The following PCDHGA6 variants were observed in gnomAD, a reference collection of about 807,000 sequenced individuals.
The protein encoded by PCDHGA6 is protocadherin gamma subfamily A, 6.
PCDHGA6 carries 41 observed loss-of-function variants against 60.6 expected under a neutral mutation model. The ratio of observed to expected loss-of-function variants is 0.68; its 90% confidence interval spans 0.53 to 0.88. PCDHGA6 has a LOEUF of 0.88. Among genes scored for constraint, PCDHGA6 ranks in the 40% least tolerant of loss-of-function variants. The pLI is 0.00. For synonymous variants in PCDHGA6, 594 were observed against 524.4 expected, an observed-to-expected ratio of 1.13 and a Z score of -1.81; for missense variants, 1,312 against 1,203.0, an observed-to-expected ratio of 1.09 and a Z score of -1.34.
chr5:141,404,787 G>A (rs1561696267), intron 1 of PCDHGA6: 23 of 1,613,988 alleles, frequency 1.4e-5, no homozygotes, highest in Non-Finnish European at 1.9e-5. Context: ...TTCAAGGCCA[G>A]TGAGCCAGGG....
rs2099085120 is a variant in PCDHGA6, at chr5:141,464,455, T to C, written c.2425-30352T>C. Among the ~76,000 whole-genome samples, 2 of 151,794 alleles carry C rather than the reference T, an allele frequency of 1.3e-5. 1 individual carries two copies. Among genetic ancestry groups the C allele is most frequent in the Non-Finnish European group, 2.9e-5 (2 of 67,958 alleles). On this transcript the variant is annotated intron_variant, in intron 1 of 3. Coordinates refer to ENST00000517434, the MANE Select transcript of PCDHGA6 (RefSeq NM_018919.3). ...TATATGTTTGTTGTTGTTGTTGTTA[T>C]TTTTGAAGTATGTACGTATAATAAA...
chr5:141,409,669 C>T, intron 1 of PCDHGA6: 1 of 1,613,528 alleles, frequency 6.2e-7, no homozygotes, highest in Non-Finnish European at 8.5e-7. Context: ...ACATCTCCTA[C>T]TCTATAGTGG....
chr5:141,478,716 G>T, intron 1 of PCDHGA6: 1 of 1,545,206 alleles, frequency 6.5e-7, no homozygotes. Flanking sequence ...TGAGATGGTG[G>T]CCTGCCAGAG....
intron 1 of PCDHGA6, chr5:141,393,077 C>T (rs2150506328): frequency 6.2e-7 from 1 of 1,613,710 alleles, no homozygotes; most frequent in Non-Finnish European, 8.5e-7. Flanking sequence ...TCACCGCGGG[C>T]AGGATAGATC....
rs55729045 is a variant in PCDHGA6 at position 141,395,542 on chromosome 5, TTGTGTGTGTGTGTGTG to T, written c.2424+19069_2424+19084del. 64 of 172,628 alleles carry T rather than the reference TTGTGTGTGTGTGTGTG, an allele frequency of 3.7e-4. 1 individual carries two copies. Among genetic ancestry groups the T allele is most frequent in the South Asian group, 2.0e-3 (23 of 11,528 alleles). The allele number at this position is 172,628 out of a possible 1,614,324, so 10.7% of individuals were successfully genotyped here. A position where few individuals can be genotyped will look rare whatever the true frequency, so the allele number is the denominator to read the frequency against. ...TCCATACTGGTAATTTTGCTATTGT[TTGTGTGTGTGTGTGTG>T]TGTGTGTGTGTGTGTGTGTGTGTGT... On this transcript the variant is annotated intron_variant, in intron 1 of 3. Coordinates refer to ENST00000517434, the MANE Select transcript of PCDHGA6 (RefSeq NM_018919.3).
intron 1 of PCDHGA6, chr5:141,378,226 T>C (rs1774724615): frequency 6.6e-6 from 1 of 152,206 alleles, no homozygotes; most frequent in Admixed American, 6.5e-5. Context: ...TGCCTGATAG[T>C]ATTTAAGAGT....
At chr5:141,390,596 C>T (rs2092187528) in intron 1 of PCDHGA6, 1 of 329,834 alleles carries the variant, frequency 3.0e-6, no homozygotes. Context: ...GAGATTTTTC[C>T]TATACATTTT....
chr5:141,450,663 T>C (rs957466690), intron 1 of PCDHGA6, among the ~76,000 whole-genome samples: 1 of 151,652 alleles, frequency 6.6e-6, no homozygotes, highest in Non-Finnish European at 1.5e-5. Flanking sequence ...ATTTTTGTAC[T>C]TTTAGTAGAA....
Position 141,493,957 on chromosome 5 carries a change from G to A in PCDHGA6, c.2425-850G>A, listed in dbSNP as rs1360777586. 6.6e-6 allele frequency among the ~76,000 whole-genome samples: 1 copy of A among 152,228 alleles called. No individual in the cohort carries two copies. The highest frequency in any genetic ancestry group is 2.4e-5 in the African/African-American group (1 of 41,458). On this transcript the variant is annotated intron_variant, in intron 1 of 3. Coordinates refer to ENST00000517434, the MANE Select transcript of PCDHGA6 (RefSeq NM_018919.3). This position sits in a 1 kb window ranked among gnomAD's most constrained non-coding sequence, Gnocchi z 4.3. ...AGACCAGAAGGGACTCAGGAATGAA[G>A]TGGCTGGCCAGAGCCCCACACCTTC... is the stretch of plus-strand genomic sequence containing the variant.
At chr5:141,497,284 A>G (rs1486878285) in intron 2 of PCDHGA6, among the ~76,000 whole-genome samples, 1 of 152,104 alleles carries the variant, frequency 6.6e-6, no homozygotes, top group South Asian at 2.1e-4. Context: ...TGTTCCCTCT[A>G]CCTACCACCA....
At chr5:141,413,524 A>G (rs772774054) in intron 1 of PCDHGA6, 7 of 1,613,974 alleles carry the variant, frequency 4.3e-6, no homozygotes, top group Non-Finnish European at 5.9e-6. Flanking sequence ...TGTGGAAGAC[A>G]GGGTGAAACT....
At chr5:141,386,407 G>T (rs2090565915) in intron 1 of PCDHGA6, among the ~76,000 whole-genome samples, 1 of 152,034 alleles carries the variant, frequency 6.6e-6, no homozygotes, top group Non-Finnish European at 1.5e-5. Flanking sequence ...GCCAGGTATG[G>T]TGTTGCAAGC....
rs766784928 is a variant in PCDHGA6, at chr5:141,431,447, G to T, written c.2424+54940G>T. ...GCGCACAGGCACCGCGCGCATCCGC[G>T]TGATGGTTCTGGATGCGAACGACAA... On this transcript the variant is annotated intron_variant, in intron 1 of 3. Coordinates refer to ENST00000517434, the MANE Select transcript of PCDHGA6 (RefSeq NM_018919.3). The surrounding 1 kb of genome is among the most constrained non-coding windows in gnomAD (Gnocchi z 4.8). 2 of 1,613,792 alleles carry T rather than the reference G, an allele frequency of 1.2e-6. No individual in the cohort carries two copies. The highest frequency in any genetic ancestry group is 1.7e-6 in the Non-Finnish European group (2 of 1,180,014).
chr5:141,473,263 T>C (rs2099318134), intron 1 of PCDHGA6, among the ~76,000 whole-genome samples: 1 of 152,210 alleles, frequency 6.6e-6, no homozygotes, highest in African/African-American at 2.4e-5. Context: ...GTCCTTAGTG[T>C]ATGCTATGAT....
intron 1 of PCDHGA6, among the ~76,000 whole-genome samples, chr5:141,442,736 A>C (rs2098340663): frequency 6.6e-6 from 1 of 152,226 alleles, no homozygotes; most frequent in African/African-American, 2.4e-5. Flanking sequence ...CCTGTAGGTA[A>C]GGAGCATGTT....
At chr5:141,499,007 AG>A (rs2099788320) in intron 2 of PCDHGA6, among the ~76,000 whole-genome samples, 1 of 151,128 alleles carries the variant, frequency 6.6e-6, no homozygotes, top group Non-Finnish European at 1.5e-5. Flanking sequence ...GAAGGAAGGA[AG>A]GAAGGAAGGA....
rs756706355 is a variant in PCDHGA6 at position 141,486,950 on chromosome 5, G to A, written c.2425-7857G>A. On this transcript the variant is annotated intron_variant, in intron 1 of 3. Transcript: ENST00000517434. This position sits in a 1 kb window ranked among gnomAD's most constrained non-coding sequence, Gnocchi z 5.0. The stretch of plus-strand genomic sequence containing the variant: ...TGGTGCTGGCCACCTAATCACAAAG[G>A]TGACTGCTGTGGACTTGGATTCAGG... 2 of 1,614,202 alleles carry A rather than the reference G, an allele frequency of 1.2e-6. No homozygotes were observed. The highest frequency in any genetic ancestry group is 1.7e-6 in the Non-Finnish European group (2 of 1,180,044).
chr5:141,507,075 C>T (rs1006779614), intron 3 of PCDHGA6: 25 of 152,176 alleles, frequency 1.6e-4, no homozygotes, highest in Admixed American at 1.1e-3. Context: ...CCTGGCTCAA[C>T]TCCTAAGTTT....
At position 141,489,090 on chromosome 5, in the gene PCDHGA6, C is replaced by A; in HGVS notation, c.2425-5717C>A. On this transcript the variant is annotated intron_variant, in intron 1 of 3. Transcript: ENST00000517434. The surrounding 1 kb of genome is among the most constrained non-coding windows in gnomAD (Gnocchi z 4.5). Reference sequence around the variant, plus strand: ...CCTGCCCACCCCCGCCACTCGGTGACTAAGAACTGCTGCAAGCAGGCAAAC... The same window carrying A: ...CCTGCCCACCCCCGCCACTCGGTGAATAAGAACTGCTGCAAGCAGGCAAAC... The A allele has an allele frequency of 1.5e-5, 5 of 328,802 alleles. No individual in the cohort carries two copies. The highest frequency in any genetic ancestry group is 4.8e-5 in the East Asian group (1 of 20,928). 20.4% of individuals were successfully genotyped at this position (328,802 alleles called of 1,614,324 possible).
Sources: allele counts gnomAD v4.1 joint callset (sites outside exome capture counted in the v4.1 genomes callset), GRCh38; gene constraint gnomAD v4.1.1; non-coding constraint Gnocchi (gnomAD v3.1); transcripts MANE v1.5; gene names NCBI Gene and HGNC (gene_info 2026-07-23, HGNC 2026-07-21).